Variants in NPAS3 observed in about 807,000 individuals in gnomAD.
The protein encoded by NPAS3 is neuronal PAS domain-containing protein 3.
NPAS3 carries 14 observed loss-of-function variants against 73.1 expected under a neutral mutation model. That is an observed-to-expected ratio of 0.19 (90% CI 0.13 to 0.30). The LOEUF (loss-of-function observed/expected upper bound fraction) is 0.30, where lower values mean the gene tolerates loss of function less well. NPAS3 is among the 10% of genes least tolerant of loss of function. NPAS3 has a pLI of 1.00. For synonymous variants in NPAS3, 620 were observed against 541.5 expected, an observed-to-expected ratio of 1.14 and a Z score of -2.01; for missense variants, 1,096 against 1,250.0, an observed-to-expected ratio of 0.88 and a Z score of 1.86.
At chr14:33,796,150 C>T (rs2063507122) in intron 10 of NPAS3, among the ~76,000 whole-genome samples, 1 of 152,070 alleles carries the variant, frequency 6.6e-6, no homozygotes, top group Admixed American at 6.5e-5. Context: ...GTTTTCTTTC[C>T]CACATTCTTG....
At chr14:33,254,925 T>C (rs2048721137) in intron 3 of NPAS3, among the ~76,000 whole-genome samples, 1 of 151,978 alleles carries the variant, frequency 6.6e-6, no homozygotes, top group African/African-American at 2.4e-5. Context: ...TGTCAGGAGA[T>C]GCTATAATAT....
chr14:33,803,708 A>C (rs1013019411), downstream of NPAS3: 13 of 25,576 alleles, frequency 5.1e-4, no homozygotes, highest in African/African-American at 2.2e-3. Context: ...AAATTACAAA[A>C]TGAAAAAAAA....
At chr14:33,448,159 G>C (rs1000089360) in intron 4 of NPAS3, among the ~76,000 whole-genome samples, 1 of 152,104 alleles carries the variant, frequency 6.6e-6, no homozygotes, top group Non-Finnish European at 1.5e-5. Flanking sequence ...GTTAAAGATG[G>C]GACTGATTAG....
intron 6 of NPAS3, among the ~76,000 whole-genome samples, chr14:33,684,204 G>GCA (rs1218714362): frequency 6.9e-6 from 1 of 145,674 alleles, no homozygotes; most frequent in African/African-American, 2.6e-5. Context: ...ATCCTCTTAT[G>GCA]CACGTATTTC....
chr14:33,295,347 G>C (rs914575310), intron 3 of NPAS3, among the ~76,000 whole-genome samples: 27 of 152,130 alleles, frequency 1.8e-4, no homozygotes, highest in African/African-American at 6.3e-4. Flanking sequence ...ATTAATAAAA[G>C]ACTTCATTTT....
At chr14:33,680,623 A>G (rs2059908667) in intron 6 of NPAS3, 1 of 702,522 alleles carries the variant, frequency 1.4e-6, no homozygotes, top group Non-Finnish European at 2.6e-6. Context: ...CCCACCAGCG[A>G]GTGATCAGTT....
At chr14:33,638,068 T>G (rs904971225) in intron 5 of NPAS3, among the ~76,000 whole-genome samples, 79 of 152,324 alleles carry the variant, frequency 5.2e-4, no homozygotes, top group African/African-American at 1.9e-3. Flanking sequence ...TGAGCAGACT[T>G]ATTTTTGATA....
intron 5 of NPAS3, among the ~76,000 whole-genome samples, chr14:33,592,557 G>A (rs2057106822): frequency 6.6e-6 from 1 of 152,186 alleles, no homozygotes; most frequent in Admixed American, 6.5e-5. Flanking sequence ...GGATGGGCTG[G>A]CAGAAGGGCA....
chr14:33,170,166 C>T (rs1190484713), intron 2 of NPAS3, among the ~76,000 whole-genome samples: 1 of 152,138 alleles, frequency 6.6e-6, no homozygotes, highest in East Asian at 1.9e-4. Flanking sequence ...CAGTTCCAGA[C>T]TACTACAATA....
chr14:33,114,807 A>G (rs2043007546), intron 2 of NPAS3, among the ~76,000 whole-genome samples: 1 of 152,166 alleles, frequency 6.6e-6, no homozygotes, highest in Admixed American at 6.5e-5. Context: ...AGCAGCTTCT[A>G]ATGTAAAAGA....
intron 3 of NPAS3, among the ~76,000 whole-genome samples, chr14:33,250,130 G>A (rs560948044): frequency 2.3e-4 from 35 of 152,168 alleles, no homozygotes; most frequent in African/African-American, 8.4e-4. Flanking sequence ...TGAGAGTGAA[G>A]CATTGAAATG....
intron 3 of NPAS3, among the ~76,000 whole-genome samples, chr14:33,302,955 C>A (rs2042613408): frequency 1.3e-5 from 2 of 151,204 alleles, no homozygotes; most frequent in African/African-American, 2.4e-5. Flanking sequence ...TTTCTATTAG[C>A]ACCAAAAAAG....
At chr14:33,456,241 T>G (rs1346721846) in intron 4 of NPAS3, among the ~76,000 whole-genome samples, 1 of 152,204 alleles carries the variant, frequency 6.6e-6, no homozygotes, top group African/African-American at 2.4e-5. Flanking sequence ...TAATTTCCAG[T>G]GTGATGTCTA....
intron 2 of NPAS3, among the ~76,000 whole-genome samples, chr14:33,122,282 A>C (rs1325543424): frequency 6.6e-6 from 1 of 152,174 alleles, no homozygotes; most frequent in Non-Finnish European, 1.5e-5. Flanking sequence ...GGAAGTGTGA[A>C]ATGAAAGTTT....
chr14:33,415,758 C>T (rs1594867931), intron 4 of NPAS3, among the ~76,000 whole-genome samples: 1 of 152,038 alleles, frequency 6.6e-6, no homozygotes, highest in South Asian at 2.1e-4. Context: ...TTTGACTCTG[C>T]CTGTTTCTAT....
At chr14:33,342,102 T>C (rs1224550395) in intron 3 of NPAS3, among the ~76,000 whole-genome samples, 1 of 152,148 alleles carries the variant, frequency 6.6e-6, no homozygotes, top group Non-Finnish European at 1.5e-5. Context: ...AAATATTGGG[T>C]CTAACATATC....
intron 2 of NPAS3, among the ~76,000 whole-genome samples, chr14:33,099,826 G>A (rs1461561626): frequency 6.6e-6 from 1 of 152,116 alleles, no homozygotes; most frequent in Admixed American, 6.5e-5. Flanking sequence ...GGAGAGAAAG[G>A]ACTAGCAGTG....
At chr14:33,438,381 A>G (rs1304349567) in intron 4 of NPAS3, among the ~76,000 whole-genome samples, 2 of 152,218 alleles carry the variant, frequency 1.3e-5, no homozygotes, top group African/African-American at 4.8e-5. Flanking sequence ...AAGGCGAACT[A>G]CTGCTGAAAC....
chr14:33,610,367 C>T (rs2057711535), intron 5 of NPAS3, among the ~76,000 whole-genome samples: 1 of 152,078 alleles, frequency 6.6e-6, no homozygotes, highest in South Asian at 2.1e-4. Context: ...CCATCATCTC[C>T]TCATTGTGCA....
Sources: gnomAD v4.1 joint callset for allele counts (sites outside exome capture counted in the v4.1 genomes callset) on GRCh38, gnomAD v4.1.1 for gene constraint, MANE v1.5 for transcripts, NCBI Gene and HGNC (gene_info 2026-07-23, HGNC 2026-07-21) for gene names.